Variants in SEZ6L observed in about 807,000 individuals in gnomAD.
SEZ6L encodes the protein seizure related 6 homolog like.
In SEZ6L, 37 loss-of-function variants were observed where a neutral mutation model predicts 106.2. The ratio of observed to expected loss-of-function variants is 0.35; its 90% CI spans 0.27 to 0.46. The LOEUF is 0.46. Ranked by LOEUF, SEZ6L falls within the 20% of genes least tolerant of loss-of-function variation. The probability of loss-of-function intolerance (pLI) is 1.00; values close to 1 mark genes in which losing one functional copy is unlikely to be tolerated. For missense variants in SEZ6L, 1,172 were observed against 1,332.8 expected, an observed-to-expected ratio of 0.88 and a Z score of 1.88; for synonymous variants, 541 against 570.4, an observed-to-expected ratio of 0.95 and a Z score of 0.73.
chr22:26,266,009 A>G (rs1192454334), intron 1 of SEZ6L, among the ~76,000 whole-genome samples: 1 of 152,208 alleles, frequency 6.6e-6, no homozygotes, highest in Middle Eastern at 3.2e-3. Context: ...CCACCTGATC[A>G]CTGCCTCGCT....
chr22:26,340,004 G>A (rs1238481315), intron 9 of SEZ6L, among the ~76,000 whole-genome samples: 9 of 152,196 alleles, frequency 5.9e-5, no homozygotes, highest in Admixed American at 5.9e-4. Flanking sequence ...GGAGGCCGAG[G>A]TGGGCAGATT....
At chr22:26,240,100 A>T (rs957549397) in intron 1 of SEZ6L, among the ~76,000 whole-genome samples, 1 of 151,536 alleles carries the variant, frequency 6.6e-6, no homozygotes, top group Non-Finnish European at 1.5e-5. Flanking sequence ...ACTCACACAC[A>T]CACACACACA....
intron 1 of SEZ6L, among the ~76,000 whole-genome samples, chr22:26,198,557 A>G (rs568766623): frequency 1.4e-4 from 22 of 152,242 alleles, no homozygotes; most frequent in Non-Finnish European, 2.8e-4. Flanking sequence ...TATAAATAAT[A>G]GAAATCTGCT....
At chr22:26,232,352 A>T (rs1202051837) in intron 1 of SEZ6L, among the ~76,000 whole-genome samples, 9 of 60,324 alleles carry the variant, frequency 1.5e-4, no homozygotes, top group East Asian at 1.2e-3. Flanking sequence ...TCTTTCACAC[A>T]CACACACACA....
At chr22:26,208,848 C>CTGTGTGTGTG (rs1342745824) in intron 1 of SEZ6L, among the ~76,000 whole-genome samples, 1 of 106,802 alleles carries the variant, frequency 9.4e-6, no homozygotes, top group Non-Finnish European at 1.8e-5. Context: ...TTGACTCTCT[C>CTGTGTGTGTG]TCTGTGTGTG....
chr22:26,236,211 A>T (rs1393930037), intron 1 of SEZ6L, among the ~76,000 whole-genome samples: 2 of 152,102 alleles, frequency 1.3e-5, no homozygotes, highest in Admixed American at 6.5e-5. Context: ...TTGCCTTTGG[A>T]GTTTGAGGGC....
intron 9 of SEZ6L, among the ~76,000 whole-genome samples, chr22:26,319,271 G>A (rs561084548): frequency 5.3e-5 from 8 of 152,246 alleles, no homozygotes; most frequent in African/African-American, 1.2e-4. Context: ...CGTCTTCCCA[G>A]GGTTATTGCA....
chr22:26,199,459 GCCA>G (rs1940790329), intron 1 of SEZ6L, among the ~76,000 whole-genome samples: 1 of 152,158 alleles, frequency 6.6e-6, no homozygotes, highest in Non-Finnish European at 1.5e-5. Context: ...GATGTTGGGA[GCCA>G]CTTTATACAA....
At chr22:26,197,453 A>T (rs1211463769) in intron 1 of SEZ6L, among the ~76,000 whole-genome samples, 1 of 152,194 alleles carries the variant, frequency 6.6e-6, no homozygotes, top group Non-Finnish European at 1.5e-5. Context: ...AGTAAGTAAC[A>T]TTGTGCATAC....
At chr22:26,370,641 T>G (rs608520) in intron 13 of SEZ6L, among the ~76,000 whole-genome samples, 97,802 of 151,192 alleles carry the variant, frequency 0.65, 32,583 homozygotes, top group East Asian at 0.98. Context: ...CTTTCCCTAG[T>G]CTTATACACA....
intron 1 of SEZ6L, among the ~76,000 whole-genome samples, chr22:26,206,112 A>G (rs1224146173): frequency 6.6e-6 from 1 of 152,226 alleles, no homozygotes; most frequent in Non-Finnish European, 1.5e-5. Flanking sequence ...CAACTCTGCC[A>G]TATCATAAAT....
chr22:26,240,718 A>G (rs778648718), intron 1 of SEZ6L, among the ~76,000 whole-genome samples: 5 of 152,278 alleles, frequency 3.3e-5, no homozygotes, highest in East Asian at 1.9e-4. Context: ...AGAGTCATCC[A>G]TGGAAGAAAA....
intron 8 of SEZ6L, among the ~76,000 whole-genome samples, chr22:26,312,222 A>G (rs2081860731): frequency 6.6e-6 from 1 of 152,242 alleles, no homozygotes. Flanking sequence ...TGAATACTGC[A>G]TGGATTTCAG....
At chr22:26,273,786 G>C (rs1365251215) in intron 1 of SEZ6L, among the ~76,000 whole-genome samples, 6 of 152,186 alleles carry the variant, frequency 3.9e-5, no homozygotes, top group Admixed American at 3.9e-4. Context: ...GCCGTGGGGT[G>C]AGATGGTGCA....
At chr22:26,300,687 G>A (rs1432043382) in intron 5 of SEZ6L, among the ~76,000 whole-genome samples, 3 of 152,318 alleles carry the variant, frequency 2.0e-5, no homozygotes, top group South Asian at 2.1e-4. Flanking sequence ...GGATTGCTGG[G>A]TCAAATGGTA....
At chr22:26,289,287 T>A (rs2081035637) in intron 1 of SEZ6L, among the ~76,000 whole-genome samples, 1 of 152,116 alleles carries the variant, frequency 6.6e-6, no homozygotes, top group Non-Finnish European at 1.5e-5. Flanking sequence ...CTCTTTTCAC[T>A]CCACAGTCTA....
chr22:26,275,111 G>T (rs146327232), intron 1 of SEZ6L, among the ~76,000 whole-genome samples: 64 of 152,322 alleles, frequency 4.2e-4, no homozygotes, highest in Non-Finnish European at 7.5e-4. Flanking sequence ...ACTGTGCAGG[G>T]TGTGGACAAC....
intron 1 of SEZ6L, among the ~76,000 whole-genome samples, chr22:26,236,585 T>TGGTTA (rs4049329): frequency 0.21 from 31,175 of 151,966 alleles, 3,475 homozygotes; most frequent in East Asian, 0.42. Flanking sequence ...TTCAAAAAGT[T>TGGTTA]GGTTATAGAC....
At chr22:26,331,905 C>T (rs762301935) in intron 9 of SEZ6L, among the ~76,000 whole-genome samples, 1 of 152,176 alleles carries the variant, frequency 6.6e-6, no homozygotes, top group Non-Finnish European at 1.5e-5. Context: ...ATGGCTTAAA[C>T]CCGGGGAGGG....
Sources: allele counts gnomAD v4.1 joint callset (sites outside exome capture counted in the v4.1 genomes callset), GRCh38; gene constraint gnomAD v4.1.1; transcripts MANE v1.5; gene names NCBI Gene and HGNC (gene_info 2026-07-23, HGNC 2026-07-21).